The following HOOK3 variants were observed in gnomAD, a reference collection of about 807,000 sequenced individuals.
The protein encoded by HOOK3 is protein Hook homolog 3.
In HOOK3, 24 loss-of-function variants were observed where a neutral mutation model predicts 116.3. The observed-to-expected ratio is 0.21, with a 90% confidence interval of 0.15 to 0.29. The LOEUF (loss-of-function observed/expected upper bound fraction) is 0.29. Ranked by LOEUF, HOOK3 falls within the 10% of genes least tolerant of loss-of-function variation. The pLI is 1.00. For missense variants in HOOK3, 632 were observed against 830.2 expected, an observed-to-expected ratio of 0.76 and a Z score of 2.93; for synonymous variants, 275 against 283.0, an observed-to-expected ratio of 0.97 and a Z score of 0.28.
At chr8:42,989,083 A>G (rs921621920) in intron 15 of HOOK3, among the ~76,000 whole-genome samples, 1 of 152,172 alleles carries the variant, frequency 6.6e-6, no homozygotes, top group Non-Finnish European at 1.5e-5. Flanking sequence ...AAGAGTGAGC[A>G]CTTTAGTGTA....
intron 21 of HOOK3, among the ~76,000 whole-genome samples, chr8:43,015,124 G>C (rs753687794): frequency 6.6e-6 from 1 of 151,912 alleles, no homozygotes; most frequent in Non-Finnish European, 1.5e-5. Context: ...GTGACAGAGT[G>C]AGACTCTGTC....
In HOOK3 at chr8:42,977,017, GC is replaced by G. The variant is rs1446571021; in HGVS notation, c.1321+2827del. 4.6e-5 allele frequency among the ~76,000 whole-genome samples: 7 copies of G among 152,284 alleles called. No homozygotes were observed. The East Asian group carries it at 1.3e-3, about 29-fold the overall frequency. On this transcript the variant is annotated intron_variant, in intron 13 of 21. Coordinates refer to ENST00000307602, the MANE Select transcript of HOOK3 (RefSeq NM_032410.4). ...TCAGAAAGGTGAATTTTAAAATAGT[GC>G]CCCAGATGTTTCTTGTGCACATCAA...
At chr8:42,935,306 A>G (rs887957637) in intron 4 of HOOK3, among the ~76,000 whole-genome samples, 10 of 151,854 alleles carry the variant, frequency 6.6e-5, no homozygotes, top group African/African-American at 2.4e-4. Flanking sequence ...TGTCAGATGG[A>G]TAGATTGCAG....
rs893811314 is a variant in HOOK3, at chr8:42,981,727, T to C, written c.1322-900T>C. 3.3e-5 allele frequency among the ~76,000 whole-genome samples: 5 copies of C among 150,360 alleles called. No homozygotes were observed. In the South Asian group the frequency reaches 6.3e-4, roughly 19 times the overall value. ...GGTGAAACCCCATCTCTACTACAAA[T>C]GCAAAAATTAGCTGGGCGTGGTGGT... On this transcript the variant is annotated intron_variant, in intron 13 of 21. Transcript: ENST00000307602.
rs143536087 is a variant in HOOK3 at position 42,934,377 on chromosome 8, T to G, written c.267+4205T>G. Among the ~76,000 whole-genome samples the G allele has an allele frequency of 7.4e-4, 112 of 152,284 alleles. 1 individual carries two copies. In the East Asian group the frequency reaches 0.019, roughly 26 times the overall value. On this transcript the variant is annotated intron_variant, in intron 4 of 21. Coordinates refer to ENST00000307602, the MANE Select transcript of HOOK3 (RefSeq NM_032410.4). ...CTCTATGAGAATATTAATCATAGATTTTTTTTACTTTCATATGTTTTTTTA... is the reference window on the plus strand; with the variant it reads ...CTCTATGAGAATATTAATCATAGATGTTTTTTACTTTCATATGTTTTTTTA...
At chr8:42,983,728 G>A (rs192897153) in intron 14 of HOOK3, among the ~76,000 whole-genome samples, 157 of 152,176 alleles carry the variant, frequency 1.0e-3, no homozygotes, top group African/African-American at 3.6e-3. Context: ...TGCCTGCCTT[G>A]CCCTCCCAAA....
At chr8:43,014,685 C>T (rs1462364674) in intron 21 of HOOK3, among the ~76,000 whole-genome samples, 1 of 152,166 alleles carries the variant, frequency 6.6e-6, no homozygotes, top group East Asian at 1.9e-4. Flanking sequence ...GACCCTGTAG[C>T]TCTGTTACTG....
At chr8:42,937,428 C>T (rs1385877127) in intron 4 of HOOK3, among the ~76,000 whole-genome samples, 2 of 145,986 alleles carry the variant, frequency 1.4e-5, no homozygotes, top group African/African-American at 2.6e-5. Flanking sequence ...TTGTCTTCTG[C>T]TAGCTTTTGA....
chr8:42,987,702 CTCAAAG>C (rs1178445708), intron 15 of HOOK3, among the ~76,000 whole-genome samples: 1 of 152,194 alleles, frequency 6.6e-6, no homozygotes, highest in Non-Finnish European at 1.5e-5. Flanking sequence ...GTGCTATTCA[CTCAAAG>C]TCAGTCACTT....
intron 1 of HOOK3, among the ~76,000 whole-genome samples, chr8:42,903,333 G>A (rs1342337381): frequency 1.4e-5 from 2 of 138,430 alleles, no homozygotes; most frequent in Non-Finnish European, 3.1e-5. Flanking sequence ...ACTGTTAATA[G>A]TTGTCTTTTT....
intron 4 of HOOK3, among the ~76,000 whole-genome samples, chr8:42,940,497 G>T (rs576632913): frequency 1.3e-3 from 179 of 137,694 alleles, no homozygotes; most frequent in African/African-American, 5.4e-3. Context: ...GGAGACCGTG[G>T]GGACAGGGAC....
chr8:42,916,317 G>C (rs893646241), intron 2 of HOOK3, among the ~76,000 whole-genome samples: 10 of 152,060 alleles, frequency 6.6e-5, no homozygotes, highest in Non-Finnish European at 1.2e-4. Flanking sequence ...TTGGCTTTTT[G>C]TTTTCAAGAA....
Position 43,023,205 on chromosome 8 carries a change from CAAA to C in HOOK3, c.*4728_*4730del, listed in dbSNP as rs766633886. On this transcript the variant is annotated 3_prime_UTR_variant, in exon 22 of 22. Transcript: ENST00000307602. ...TGGGCCACAGAGTGAGACTCCATCT[CAAA>C]AAAAAAAAAAAAAAAAAAAAGAAAC... The C allele has an allele frequency of 1.5e-3, 105 of 70,496 alleles. 1 individual carries two copies. The highest frequency in any genetic ancestry group is 0.01 in the Middle Eastern group (1 of 98). 4.4% of individuals were successfully genotyped at this position (70,496 alleles called of 1,614,324 possible).
chr8:42,901,098 T>A (rs1270571423), intron 1 of HOOK3, among the ~76,000 whole-genome samples: 1 of 152,188 alleles, frequency 6.6e-6, no homozygotes, highest in Non-Finnish European at 1.5e-5. Flanking sequence ...TAGATGACAA[T>A]AGCACCCAAC....
Position 42,986,719 on chromosome 8 carries a change from A to G in HOOK3, c.1456A>G (p.Asn486Asp). 6.2e-7 allele frequency: 1 copy of G among 1,614,058 alleles called. No individual in the cohort carries two copies. Among genetic ancestry groups the G allele is most frequent in the Non-Finnish European group, 8.5e-7 (1 of 1,179,912 alleles). Residue 486 changes from asparagine to aspartate, a missense_variant, in exon 15 of 22, where the codon AAT (asparagine) becomes GAT (aspartate). Physicochemically the swap from Asn to Asp is conservative, Grantham distance 23 (BLOSUM62 1). Coordinates refer to ENST00000307602, the MANE Select transcript of HOOK3 (RefSeq NM_032410.4). ...MLKLNQEGSDNEKIALLQSLL... is the reference protein window; with the variant it reads ...MLKLNQEGSDDEKIALLQSLL... ...AAAGCTTAACCAAGAAGGTTCGGAC[A>G]ATGAAAAAATAGCCTTATTGCAGAG...
At chr8:42,974,944 C>T (rs1376475403) in intron 13 of HOOK3, among the ~76,000 whole-genome samples, 1 of 152,184 alleles carries the variant, frequency 6.6e-6, no homozygotes, top group African/African-American at 2.4e-5. Flanking sequence ...TGCCGAGTCC[C>T]TCCTGAATTG....
chr8:42,898,342 A>T (rs1275536386), intron 1 of HOOK3, among the ~76,000 whole-genome samples: 1 of 152,166 alleles, frequency 6.6e-6, no homozygotes, highest in African/African-American at 2.4e-5. Flanking sequence ...GGGATTTCAG[A>T]TCGTTAGCAG....
intron 15 of HOOK3, among the ~76,000 whole-genome samples, chr8:42,991,756 T>G (rs917806639): frequency 1.3e-5 from 2 of 152,034 alleles, no homozygotes; most frequent in African/African-American, 4.8e-5. Context: ...TTTTTGTTTT[T>G]TTTTTCCTTT....
At chr8:43,015,266 T>C (rs1488042384) in intron 21 of HOOK3, among the ~76,000 whole-genome samples, 5 of 152,156 alleles carry the variant, frequency 3.3e-5, no homozygotes, top group African/African-American at 4.8e-5. Context: ...CTCACACCTG[T>C]AATCCCAGCA....
Sources: gnomAD v4.1 joint callset for allele counts (sites outside exome capture counted in the v4.1 genomes callset) on GRCh38, gnomAD v4.1.1 for gene constraint, MANE v1.5 for transcripts, NCBI Gene and HGNC (gene_info 2026-07-23, HGNC 2026-07-21) for gene names.